Variants in RNF150 observed in about 807,000 individuals in gnomAD.
The protein encoded by RNF150 is ring finger protein 150.
A neutral mutation model predicts 39.3 loss-of-function variants in RNF150; 24 were observed. The observed-to-expected ratio is 0.61, with a 90% CI of 0.44 to 0.86. The LOEUF is 0.86. RNF150 is among the 40% of genes least tolerant of loss of function. The pLI is 0.00. For missense variants in RNF150, 502 were observed against 587.8 expected (o/e 0.85, Z 1.51); for synonymous variants, 255 against 227.3 (o/e 1.12, Z -1.10).
At chr4:141,069,271 G>A (rs1307737176) in intron 1 of RNF150, among the ~76,000 whole-genome samples, 1 of 118,290 alleles carries the variant, frequency 8.5e-6, no homozygotes, top group South Asian at 3.4e-4. Context: ...TAGCATGAAG[G>A]GTTGTTGAAT....
intron 1 of RNF150, among the ~76,000 whole-genome samples, chr4:141,099,822 CTA>C (rs1194192255): frequency 1.3e-5 from 2 of 151,884 alleles, no homozygotes; most frequent in Non-Finnish European, 2.9e-5. Flanking sequence ...ACAAGGAACT[CTA>C]AAATACAGTA....
At position 141,000,106 on chromosome 4, in the gene RNF150, A is replaced by AGAG. The variant is rs139361013; in HGVS notation, c.485-32236_485-32234dup. On this transcript the variant is annotated intron_variant, in intron 1 of 6. Transcript: ENST00000515673. The stretch of plus-strand genomic sequence containing the variant: ...AAGAAGGAGAAGAAGAAGAAGAAGA[A>AGAG]GAGGAGGAAGAAGAAGAAGAAGAAA... Among the ~76,000 whole-genome samples, 2 of 144,300 alleles carry AGAG rather than the reference A, an allele frequency of 1.4e-5. 1 individual carries two copies. The highest frequency in any genetic ancestry group is 3.1e-5 in the Non-Finnish European group (2 of 64,844). 94.7% of individuals were successfully genotyped at this position (144,300 alleles called of 152,430 possible). A position where few individuals can be genotyped will look rare whatever the true frequency, so the allele number is the denominator to read the frequency against.
chr4:141,195,774 G>A (rs995753192), intron 1 of RNF150, among the ~76,000 whole-genome samples: 2 of 152,164 alleles, frequency 1.3e-5, no homozygotes, highest in African/African-American at 4.8e-5. Context: ...CAATCTGAGG[G>A]TTTTATCAGT....
At chr4:141,005,280 A>C (rs752320989) in intron 1 of RNF150, among the ~76,000 whole-genome samples, 29 of 152,190 alleles carry the variant, frequency 1.9e-4, no homozygotes, top group Admixed American at 6.5e-5. Context: ...TTCTGTAGAG[A>C]AGCTCAGGAG....
At chr4:141,166,629 CT>C (rs1471402774) in intron 1 of RNF150, among the ~76,000 whole-genome samples, 1 of 152,170 alleles carries the variant, frequency 6.6e-6, no homozygotes, top group East Asian at 1.9e-4. Context: ...GGATGCAAGA[CT>C]GGTTCAACAT....
In RNF150 at chr4:140,862,542, A is replaced by G. The variant is rs1176707103; in HGVS notation, c.*5719T>C. ...TCTGGGATGATAACTTGGTGTCAAT[A>G]AAAGGTGTAGAGTGGAAGAGTGTGG... On this transcript the variant is annotated 3_prime_UTR_variant, in exon 7 of 7. Transcript: ENST00000515673. 2 of 152,200 alleles carry G rather than the reference A, an allele frequency of 1.3e-5. No individual in the cohort carries two copies. The highest frequency in any genetic ancestry group is 1.5e-5 in the Non-Finnish European group (1 of 68,036). The allele number at this position is 152,200 out of a possible 1,614,324, so 9.4% of individuals were successfully genotyped here. A position where few individuals can be genotyped will look rare whatever the true frequency, so the allele number is the denominator to read the frequency against.
chr4:141,135,496 A>C (rs935037234), upstream of RNF150, among the ~76,000 whole-genome samples: 1 of 152,240 alleles, frequency 6.6e-6, no homozygotes, highest in Non-Finnish European at 1.5e-5. Context: ...AATCTGGGAC[A>C]GTCTGAACAT....
chr4:140,950,618 C>T (rs2111379304), intron 2 of RNF150, among the ~76,000 whole-genome samples: 1 of 152,302 alleles, frequency 6.6e-6, no homozygotes, highest in Admixed American at 6.5e-5. Context: ...ATCAGCCAGT[C>T]AGCCAACCAT....
intron 1 of RNF150, among the ~76,000 whole-genome samples, chr4:141,174,666 G>T (rs1318732714): frequency 6.6e-6 from 1 of 152,120 alleles, no homozygotes; most frequent in African/African-American, 2.4e-5. Context: ...ACCACAAACT[G>T]ATAGAGGCTG....
intron 1 of RNF150, among the ~76,000 whole-genome samples, chr4:141,015,541 C>A (rs571966647): frequency 6.6e-6 from 1 of 151,860 alleles, no homozygotes; most frequent in East Asian, 1.9e-4. Flanking sequence ...TTCTTAATTT[C>A]TTTTTCAGAT....
intron 6 of RNF150, among the ~76,000 whole-genome samples, chr4:140,870,992 C>CTA (rs1728912032): frequency 1.4e-5 from 2 of 142,578 alleles, no homozygotes; most frequent in Non-Finnish European, 3.1e-5. Context: ...CTCTCTCTCT[C>CTA]TCTCTCTCTC....
intron 1 of RNF150, among the ~76,000 whole-genome samples, chr4:141,033,591 A>C (rs1406313134): frequency 2.0e-5 from 3 of 152,324 alleles, no homozygotes; most frequent in Middle Eastern, 3.4e-3. Context: ...CATCCATCAG[A>C]GGAATCACTG....
intron 1 of RNF150, among the ~76,000 whole-genome samples, chr4:141,015,300 A>G (rs1735228882): frequency 6.6e-6 from 1 of 152,124 alleles, no homozygotes; most frequent in Non-Finnish European, 1.5e-5. Flanking sequence ...GCTATTTGGT[A>G]TCTTTTATGA....
At chr4:141,075,162 G>GT (rs1316698654) in intron 1 of RNF150, among the ~76,000 whole-genome samples, 3 of 152,180 alleles carry the variant, frequency 2.0e-5, no homozygotes, top group Admixed American at 1.3e-4. Context: ...ATGGGCAAGT[G>GT]TTTTTTTAAG....
chr4:140,957,418 T>C (rs1732805943), intron 2 of RNF150, among the ~76,000 whole-genome samples: 1 of 152,118 alleles, frequency 6.6e-6, no homozygotes, highest in Non-Finnish European at 1.5e-5. Flanking sequence ...CTGGAGAGGA[T>C]GTGGAGAAAT....
At chr4:140,925,305 G>A (rs1731347223) in intron 5 of RNF150, among the ~76,000 whole-genome samples, 1 of 152,212 alleles carries the variant, frequency 6.6e-6, no homozygotes, top group African/African-American at 2.4e-5. Context: ...TTCTGGGAAA[G>A]TCTCCCTGGA....
chr4:141,068,236 T>C (rs568981519), intron 1 of RNF150, among the ~76,000 whole-genome samples: 5 of 152,330 alleles, frequency 3.3e-5, no homozygotes, highest in African/African-American at 9.6e-5. Context: ...TGAGCCACCA[T>C]GTCCAGCCAA....
At chr4:141,014,321 T>C (rs1578632498) in intron 1 of RNF150, among the ~76,000 whole-genome samples, 2 of 152,236 alleles carry the variant, frequency 1.3e-5, no homozygotes, top group African/African-American at 4.8e-5. Context: ...AGATATTCCT[T>C]CCACATACTT....
At chr4:141,084,542 T>C (rs1166330474) in intron 1 of RNF150, among the ~76,000 whole-genome samples, 2 of 152,202 alleles carry the variant, frequency 1.3e-5, no homozygotes, top group African/African-American at 2.4e-5. Context: ...AAAACACTTT[T>C]TTCCCCCAGC....
Sources: gnomAD v4.1 joint callset for allele counts (sites outside exome capture counted in the v4.1 genomes callset) on GRCh38, gnomAD v4.1.1 for gene constraint, MANE v1.5 for transcripts, NCBI Gene and HGNC (gene_info 2026-07-23, HGNC 2026-07-21) for gene names.